The following TAF4 variants were observed in gnomAD, a reference collection of about 807,000 sequenced individuals.
TAF4 encodes transcription initiation factor TFIID subunit 4.
TAF4 carries 9 observed loss-of-function variants against 90.3 expected under a neutral mutation model. The ratio of observed to expected loss-of-function variants is 0.10; its 90% CI spans 0.06 to 0.17. The LOEUF is 0.17. Among genes scored for constraint, TAF4 ranks in the 10% least tolerant of loss-of-function variants. The pLI, the probability that TAF4 is intolerant of heterozygous loss-of-function variation, is 1.00. For synonymous variants in TAF4, 818 were observed against 638.9 expected (o/e 1.28, Z -4.23); for missense variants, 1,351 against 1,370.7 (o/e 0.99, Z 0.23).
chr20:61,983,325 A>T (rs540568671), intron 14 of TAF4, among the ~76,000 whole-genome samples: 4 of 152,290 alleles, frequency 2.6e-5, no homozygotes, highest in African/African-American at 9.6e-5. Context: ...AAAAGAGCAA[A>T]GAATAAACAT....
intron 1 of TAF4, among the ~76,000 whole-genome samples, chr20:62,034,426 C>T (rs950686733): frequency 2.0e-5 from 3 of 152,104 alleles, no homozygotes; most frequent in Admixed American, 6.5e-5. Flanking sequence ...TGGGCTCAAG[C>T]GATCCTCCCA....
chr20:62,014,234 A>G (rs2055800007), intron 2 of TAF4, among the ~76,000 whole-genome samples: 1 of 152,042 alleles, frequency 6.6e-6, no homozygotes, highest in Non-Finnish European at 1.5e-5. Context: ...AGGTGAAGCC[A>G]CAGGGAGAGA....
chr20:62,045,442 T>A (rs371252397), intron 1 of TAF4, among the ~76,000 whole-genome samples: 42 of 152,276 alleles, frequency 2.8e-4, no homozygotes, highest in African/African-American at 7.5e-4. Flanking sequence ...AGGCGCAGAA[T>A]CCCTGCACGT....
Position 62,064,620 on chromosome 20 carries a change from G to GGCT in TAF4, c.1190_1191insAGC (p.Pro397_Thr398insAla). 7.3e-7 allele frequency: 1 copy of GGCT among 1,370,016 alleles called. No individual in the cohort carries two copies. Among genetic ancestry groups the GGCT allele is most frequent in the Admixed American group, 3.8e-5 (1 of 25,998 alleles). 84.9% of individuals were successfully genotyped at this position (1,370,016 alleles called of 1,614,324 possible). ...CGGCCGCGCCTTTGGGCAGCCCGGTGGGGGTCCCGGGGGCGGGCGGCGGGA... is the reference window on the plus strand; with the variant it reads ...CGGCCGCGCCTTTGGGCAGCCCGGTGGCTGGGGTCCCGGGGGCGGGCGGCGGGA... On this transcript the variant is annotated inframe_insertion, in exon 1 of 15. Coordinates refer to ENST00000252996, the MANE Select transcript of TAF4 (RefSeq NM_003185.4).
In TAF4 at chr20:62,013,085, A is replaced by G. The variant is rs1002527923; in HGVS notation, c.1522-151T>C. Reference sequence around the variant, plus strand: ...TCTGCAATGAAGCCACTGTAATTCTAAAGTTTTCTTACCAAAGAACAAGTG... The same window carrying G: ...TCTGCAATGAAGCCACTGTAATTCTGAAGTTTTCTTACCAAAGAACAAGTG... On this transcript the variant is annotated intron_variant, in intron 2 of 14. Transcript: ENST00000252996. 5.1e-6 allele frequency: 6 copies of G among 1,180,654 alleles called. No homozygotes were observed. The Admixed American group carries it at 9.2e-5, about 18-fold the overall frequency. 73.1% of individuals were successfully genotyped at this position (1,180,654 alleles called of 1,614,324 possible).
chr20:61,997,626 T>C lies in TAF4; in HGVS notation c.3014A>G (p.Asn1005Ser). 2 of 1,613,638 alleles carry C rather than the reference T, an allele frequency of 1.2e-6. No homozygotes were observed. Among genetic ancestry groups the C allele is most frequent in the Non-Finnish European group, 1.7e-6 (2 of 1,179,866 alleles). Reference sequence around the variant, plus strand: ...CCCGATCGCTGCTAGTGCTGTGAGGTTGGCGTCCCGCTGTCTCATTTGTGC... The same window carrying C: ...CCCGATCGCTGCTAGTGCTGTGAGGCTGGCGTCCCGCTGTCTCATTTGTGC... Reference protein sequence around the residue: ...ELAQMRQRDANLTALAAIGPR... With the variant: ...ELAQMRQRDASLTALAAIGPR... Residue 1005 changes from asparagine (N) to serine (S), a missense_variant, in exon 14 of 15, where the codon AAC (asparagine) becomes AGC (serine). Asn to Ser is a conservative substitution (Grantham distance 46). Coordinates refer to ENST00000252996, the MANE Select transcript of TAF4 (RefSeq NM_003185.4).
At chr20:61,988,140 T>TA (rs2055606101) in intron 14 of TAF4, among the ~76,000 whole-genome samples, 11 of 152,112 alleles carry the variant, frequency 7.2e-5, no homozygotes, top group Non-Finnish European at 1.2e-4. Context: ...TGGAAACACG[T>TA]CATTCTACAG....
chr20:62,050,637 C>T (rs1232010032), intron 1 of TAF4, among the ~76,000 whole-genome samples: 1 of 152,226 alleles, frequency 6.6e-6, no homozygotes, highest in African/African-American at 2.4e-5. Flanking sequence ...CCAGTGCAGG[C>T]TCCATGAGAG....
intron 4 of TAF4, 73 bp downstream of exon 4, chr20:62,009,973 C>A (rs1341290839): frequency 2.1e-5 from 33 of 1,599,618 alleles, no homozygotes; most frequent in Non-Finnish European, 2.3e-5. Flanking sequence ...GGCCTGAGGT[C>A]TCAAGGCTGC....
rs868790311 is a variant in TAF4 at position 62,064,899 on chromosome 20, C to T, written c.912G>A (p.Gln304=). 3,246 of 806,376 alleles carry T rather than the reference C, an allele frequency of 4.0e-3. 9 individuals carry two copies. Among genetic ancestry groups the T allele is most frequent in the Non-Finnish European group, 4.1e-3 (2,803 of 675,440 alleles). The allele number at this position is 806,376 out of a possible 1,614,324, so 50.0% of individuals were successfully genotyped here. A position where few individuals can be genotyped will look rare whatever the true frequency, so the allele number is the denominator to read the frequency against. ...APAVPPPAAA[Q]NGGSAGAAPA... is the part of the protein sequence containing the mutation. ...GGGCTGCCCCGGCGCTGCCCCCGTT[C>T]TGGGCGGCGGCGGGGGGCGGCACGG... The change falls in exon 1 of 15, where the codon CAG becomes CAA. Residue 304 remains glutamine (Q), a synonymous_variant. Transcript: ENST00000252996.
chr20:62,003,656 A>T, intron 8 of TAF4, 75 bp downstream of exon 8: 1 of 1,466,456 alleles, frequency 6.8e-7, no homozygotes, highest in Non-Finnish European at 9.0e-7. Flanking sequence ...TACCCAATTA[A>T]ATAAAAGCCC....
rs560739394 is a variant in TAF4 at position 62,051,625 on chromosome 20, C to T, written c.1360+12826G>A. Among the ~76,000 whole-genome samples the T allele has an allele frequency of 4.1e-4, 62 of 152,224 alleles. 1 individual carries two copies. The highest frequency in any genetic ancestry group is 2.6e-3 in the Admixed American group (40 of 15,302). On this transcript the variant is annotated intron_variant, in intron 1 of 14. Transcript: ENST00000252996. ...CACCAAGAGCCCTGATCCACAGAGG[C>T]CACCCTCCCTCCCCATCCGCTCGGT...
chr20:62,000,849 C>CGCACCT (rs1043488087), intron 9 of TAF4, 128 bp from the exon 10 acceptor site: 9 of 914,776 alleles, frequency 9.8e-6, no homozygotes, highest in East Asian at 5.1e-5. Flanking sequence ...CTGTCCTCCC[C>CGCACCT]GCACCTGCAC....
chr20:61,997,420 G>C (rs2055669872), intron 14 of TAF4, 130 bp downstream of exon 14: 1 of 1,195,352 alleles, frequency 8.4e-7, no homozygotes. Context: ...AAATACTCCA[G>C]AAAAGGTGAG....
intron 1 of TAF4, chr20:62,064,164 G>C: frequency 2.8e-6 from 1 of 354,614 alleles, no homozygotes. Flanking sequence ...ACTCCACTAA[G>C]AGTCCTGGCT....
intron 1 of TAF4, among the ~76,000 whole-genome samples, chr20:62,060,885 T>C (rs561515786): frequency 1.3e-5 from 2 of 152,104 alleles, no homozygotes; most frequent in Non-Finnish European, 2.9e-5. Flanking sequence ...AAACATCCAG[T>C]CTGGATTAAT....
At chr20:62,030,686 T>G (rs1367383111) in intron 1 of TAF4, among the ~76,000 whole-genome samples, 2 of 152,234 alleles carry the variant, frequency 1.3e-5, no homozygotes, top group Non-Finnish European at 2.9e-5. Context: ...AGAGTAATAA[T>G]TTTTTGAAAA....
At chr20:62,026,771 G>C (rs28382033) in intron 1 of TAF4, among the ~76,000 whole-genome samples, 1 of 152,146 alleles carries the variant, frequency 6.6e-6, no homozygotes, top group Admixed American at 6.5e-5. Context: ...GCTTGCTGCC[G>C]CCCCGTGAGT....
At chr20:61,980,795 AGAGTCAACACACGCCT>A (rs1213013730) in intron 14 of TAF4, 1 of 152,302 alleles carries the variant, frequency 6.6e-6, no homozygotes, top group African/African-American at 2.4e-5. Flanking sequence ...AAGTCGGCGC[AGAGTCAACACACGCCT>A]GAGCCTGACC....
Sources: allele counts gnomAD v4.1 joint callset (sites outside exome capture counted in the v4.1 genomes callset), GRCh38; gene constraint gnomAD v4.1.1; transcripts MANE v1.5; gene names NCBI Gene and HGNC (gene_info 2026-07-23, HGNC 2026-07-21).